BARD1: variants seen among roughly 807,000 people sequenced by gnomAD.
BARD1 encodes the protein BRCA1 associated RING domain 1.
A neutral mutation model predicts 77.0 loss-of-function variants in BARD1; 73 were observed. That is an observed-to-expected ratio of 0.95 (90% CI 0.79 to 1.15). BARD1 has a LOEUF of 1.15. BARD1 is among the 50% of genes most tolerant of loss of function. The pLI is 0.00. For synonymous variants in BARD1, 384 were observed against 338.0 expected (o/e 1.14, Z -1.49); for missense variants, 993 against 938.8 (o/e 1.06, Z -0.75).
chr2:214,745,219 C>T (rs1373009626), intron 8 of BARD1, 60 bp from the exon 9 acceptor site: 6 of 1,427,950 alleles, frequency 4.2e-6, no homozygotes, highest in East Asian at 2.3e-5. Context: ...TTTCTTTGGC[C>T]TGCTTCTTAT....
At position 214,730,435 on chromosome 2, in the gene BARD1, T is replaced by C. The variant is rs147215925; in HGVS notation, c.1977A>G (p.Arg659=). Residue 659 remains arginine, a synonymous_variant, in exon 10 of 11, where the codon AGA becomes AGG. Transcript: ENST00000260947. The part of the protein sequence containing the change: ...EKYEIPEGPR[R]SRLNREQLLP... ...CCAGCTGTTCTCTGTTGAGCCTGCT[T>C]CTGCGTGGACCTTCAGGAATTTCAT... 3.1e-3 allele frequency: 5,068 copies of C among 1,613,972 alleles called. 14 individuals carry two copies. Among genetic ancestry groups the C allele is most frequent in the Non-Finnish European group, 3.8e-3 (4,536 of 1,179,922 alleles).
At chr2:214,772,565 ACT>A (rs1694554284) in intron 4 of BARD1, among the ~76,000 whole-genome samples, 1 of 151,960 alleles carries the variant, frequency 6.6e-6, no homozygotes, top group Non-Finnish European at 1.5e-5. Flanking sequence ...ATACAAGTAG[ACT>A]CTCTTTTAAG....
At chr2:214,779,691 T>C (rs1559422275) in intron 4 of BARD1, among the ~76,000 whole-genome samples, 2 of 152,282 alleles carry the variant, frequency 1.3e-5, no homozygotes, top group Admixed American at 6.5e-5. Context: ...CTCCAAGTGG[T>C]TCCTCCCAGG....
intron 6 of BARD1, among the ~76,000 whole-genome samples, chr2:214,759,411 C>T (rs10173887): frequency 0.42 from 63,700 of 151,916 alleles, 13,434 homozygotes; most frequent in South Asian, 0.5. Context: ...GTGGGGAAGA[C>T]AGATTACCAA....
intron 9 of BARD1, among the ~76,000 whole-genome samples, chr2:214,731,372 T>C (rs1358129210): frequency 6.6e-6 from 1 of 152,154 alleles, no homozygotes; most frequent in Non-Finnish European, 1.5e-5. Flanking sequence ...ATGAAGGACA[T>C]GGTCAGCTTC....
chr2:214,760,814 G>A (rs866333551), intron 6 of BARD1, among the ~76,000 whole-genome samples: 4 of 145,418 alleles, frequency 2.8e-5, no homozygotes, highest in Middle Eastern at 3.8e-3. Flanking sequence ...TCGCTCTGTC[G>A]CCCAGGCTGG....
intron 1 of BARD1, among the ~76,000 whole-genome samples, chr2:214,807,865 G>C (rs1015422061): frequency 6.6e-6 from 1 of 152,162 alleles, no homozygotes; most frequent in Non-Finnish European, 1.5e-5. Context: ...TCTAACTTTC[G>C]TTGGACTATC....
At chr2:214,751,151 A>ATTTTTTTT (rs60746999) in intron 7 of BARD1, among the ~76,000 whole-genome samples, 8 of 37,174 alleles carry the variant, frequency 2.2e-4, no homozygotes, top group Non-Finnish European at 3.7e-4. Flanking sequence ...ATATATATAT[A>ATTTTTTTT]TTTTTTTTTT....
At chr2:214,766,972 T>G (rs539179213) in intron 6 of BARD1, among the ~76,000 whole-genome samples, 1 of 152,188 alleles carries the variant, frequency 6.6e-6, no homozygotes, top group Admixed American at 6.5e-5. Flanking sequence ...CTCTCCCTCC[T>G]CCCATCCTCC....
At chr2:214,804,256 A>T (rs1696164079) in intron 1 of BARD1, among the ~76,000 whole-genome samples, 1 of 152,252 alleles carries the variant, frequency 6.6e-6, no homozygotes, top group Non-Finnish European at 1.5e-5. Flanking sequence ...GGGGATTCTT[A>T]GCAATTCATG....
At chr2:214,785,058 C>T (rs1349869724) in intron 3 of BARD1, among the ~76,000 whole-genome samples, 1 of 150,416 alleles carries the variant, frequency 6.6e-6, no homozygotes, top group African/African-American at 2.5e-5. Flanking sequence ...TTTGTTCTTT[C>T]CATAGAAGCC....
In BARD1 at chr2:214,752,506, TCATACTTTCATCATCTGTATAATCGACA is replaced by T. The variant is rs1443184602; in HGVS notation, c.1590_1617del (p.Val531AsnfsTer20). On this transcript the variant is annotated frameshift_variant, in exon 7 of 11. Coordinates refer to ENST00000260947, the MANE Select transcript of BARD1 (RefSeq NM_000465.4). LOFTEE classifies it high-confidence loss of function. ...TTCTCTGGTAGCAGCAATAGCGATTTCATACTTTCATCATCTGTATAATCGACAGGCCGCAGACCAAATATATTACTGG... is the reference window on the plus strand; with the variant it reads ...TTCTCTGGTAGCAGCAATAGCGATTTGGCCGCAGACCAAATATATTACTGG... The T allele has an allele frequency of 6.2e-7, 1 of 1,613,706 alleles. No homozygotes were observed. The highest frequency in any genetic ancestry group is 1.3e-5 in the African/African-American group (1 of 74,902).
rs878853995 is a variant in BARD1 at position 214,780,702 on chromosome 2, G to T, written c.1172C>A (p.Ser391Ter). The change falls in exon 4 of 11, where the codon TCA becomes TAA. Residue 391 changes from serine (S) to a stop codon, truncating the protein, a stop_gained. Transcript: ENST00000260947. LOFTEE classifies it high-confidence loss of function. ...TAATGTAGAAGGTGGTGTACCTGGTGAAAGACTAATGAATTCATCGGACAT... is the reference window on the plus strand; with the variant it reads ...TAATGTAGAAGGTGGTGTACCTGGTTAAAGACTAATGAATTCATCGGACAT... ...SNMSDEFISL[S>*]PGTPPSTLSS... is the part of the protein sequence containing the mutation. 1 of 1,613,990 alleles carries T rather than the reference G, an allele frequency of 6.2e-7. No homozygotes were observed. Among genetic ancestry groups the T allele is most frequent in the Non-Finnish European group, 8.5e-7 (1 of 1,180,000 alleles).
Position 214,798,305 on chromosome 2 carries a change from CCAT to C in BARD1, c.159-1191_159-1189del, listed in dbSNP as rs534099053. Reference sequence around the variant, plus strand: ...AAACCTATTACTTTTTAAAAACTCACCATGTCTGATTTTTGTATCACAGTATGT... The same window carrying C: ...AAACCTATTACTTTTTAAAAACTCACGTCTGATTTTTGTATCACAGTATGT... On this transcript the variant is annotated intron_variant, in intron 1 of 10. Coordinates refer to ENST00000260947, the MANE Select transcript of BARD1 (RefSeq NM_000465.4). Among the ~76,000 whole-genome samples, 5 of 152,212 alleles carry C rather than the reference CCAT, an allele frequency of 3.3e-5. No homozygotes were observed. The South Asian group carries it at 1.0e-3, about 32-fold the overall frequency.
intron 9 of BARD1, among the ~76,000 whole-genome samples, chr2:214,734,747 ATTCTG>A (rs1692498128): frequency 6.6e-6 from 1 of 152,128 alleles, no homozygotes; most frequent in Non-Finnish European, 1.5e-5. Context: ...AATTTATTCT[ATTCTG>A]TTTTCTTTTT....
chr2:214,806,214 A>G (rs984123469), intron 1 of BARD1, among the ~76,000 whole-genome samples: 8 of 152,218 alleles, frequency 5.3e-5, no homozygotes, highest in African/African-American at 1.9e-4. Flanking sequence ...ACCAGCAAGT[A>G]ATGCTTGCTG....
chr2:214,746,004 C>A lies in BARD1; in HGVS notation c.1678-150G>T. The A allele has an allele frequency of 3.1e-6, 3 of 959,486 alleles. No individual in the cohort carries two copies. The East Asian group carries it at 7.7e-5, about 25-fold the overall frequency. 59.4% of individuals were successfully genotyped at this position (959,486 alleles called of 1,614,324 possible). A position where few individuals can be genotyped will look rare whatever the true frequency, so the allele number is the denominator to read the frequency against. ...ATTTCCATTGAATCTACACCCAGAACCTTTTAAATAAATTTTTTCTCTTTA... is the reference window on the plus strand; with the variant it reads ...ATTTCCATTGAATCTACACCCAGAAACTTTTAAATAAATTTTTTCTCTTTA... On this transcript the variant is annotated intron_variant, in intron 7 of 10. Transcript: ENST00000260947.
intron 9 of BARD1, among the ~76,000 whole-genome samples, chr2:214,741,618 G>A (rs1187002151): frequency 6.6e-6 from 1 of 152,118 alleles, no homozygotes; most frequent in African/African-American, 2.4e-5. Flanking sequence ...TAGGACTAAA[G>A]TAGAGTCTCC....
At chr2:214,787,797 T>C (rs2106124873) in intron 3 of BARD1, among the ~76,000 whole-genome samples, 1 of 152,116 alleles carries the variant, frequency 6.6e-6, no homozygotes, top group Non-Finnish European at 1.5e-5. Flanking sequence ...GAAAATGTGA[T>C]TTAGCTATCA....
Sources: gnomAD v4.1 joint callset for allele counts (sites outside exome capture counted in the v4.1 genomes callset) on GRCh38, gnomAD v4.1.1 for gene constraint, MANE v1.5 for transcripts, NCBI Gene and HGNC (gene_info 2026-07-23, HGNC 2026-07-21) for gene names.